Variants in EYS observed in about 807,000 individuals in gnomAD.
EYS encodes protein eyes shut homolog.
Under a neutral mutation model 282.1 loss-of-function variants are expected in EYS, and 250 were observed. The ratio of observed to expected loss-of-function variants is 0.89; its 90% CI spans 0.80 to 0.98. The LOEUF (loss-of-function observed/expected upper bound fraction) is 0.98. Among genes scored for constraint, EYS ranks in the 50% least tolerant of loss-of-function variants. EYS has a pLI of 0.00. For missense variants in EYS, 4,016 were observed against 3,709.0 expected, an observed-to-expected ratio of 1.08 and a Z score of -2.15; for synonymous variants, 1,355 against 1,282.9, an observed-to-expected ratio of 1.06 and a Z score of -1.20.
At chr6:64,051,857 C>T (rs1273409507) in intron 33 of EYS, among the ~76,000 whole-genome samples, 2 of 151,994 alleles carry the variant, frequency 1.3e-5, no homozygotes, top group Admixed American at 6.6e-5. Flanking sequence ...ACACAGGTCA[C>T]AGAGAGGGGA....
intron 36 of EYS, among the ~76,000 whole-genome samples, chr6:63,849,243 G>A (rs1031651810): frequency 2.0e-5 from 3 of 152,168 alleles, no homozygotes; most frequent in African/African-American, 7.2e-5. Context: ...TGGGGAGAGG[G>A]GTGGCTGTGG....
intron 2 of EYS, among the ~76,000 whole-genome samples, chr6:65,590,328 A>G (rs1002255196): frequency 1.9e-4 from 29 of 152,072 alleles, no homozygotes; most frequent in Non-Finnish European, 4.1e-4. Flanking sequence ...ATATCAACAC[A>G]AAACTTTTTC....
intron 5 of EYS, among the ~76,000 whole-genome samples, chr6:65,484,980 GTC>G (rs1765736824): frequency 6.6e-6 from 1 of 152,164 alleles, no homozygotes; most frequent in Non-Finnish European, 1.5e-5. Flanking sequence ...GGATCAAGAA[GTC>G]TAAAATATTT....
chr6:64,387,108 G>A (rs1772937999), intron 29 of EYS, among the ~76,000 whole-genome samples: 1 of 152,022 alleles, frequency 6.6e-6, no homozygotes, highest in Non-Finnish European at 1.5e-5. Flanking sequence ...CAAACCCCAT[G>A]TCTCCATAAT....
At position 65,494,958 on chromosome 6, in the gene EYS, A is replaced by G; in HGVS notation, c.453T>C (p.Val151=). 6.2e-7 allele frequency: 1 copy of G among 1,614,168 alleles called. No individual in the cohort carries two copies. The highest frequency in any genetic ancestry group is 8.5e-7 in the Non-Finnish European group (1 of 1,180,018). The change falls in exon 4 of 43, where the codon GTT becomes GTC. Residue 151 remains valine, a synonymous_variant. Coordinates refer to ENST00000503581, the MANE Select transcript of EYS (RefSeq NM_001142800.2). Reference sequence around the variant, plus strand: ...GACAAGGTGATGGACCACTTGCCATAACTGTGATAAAATAATGTGTCCCAA... The same window carrying G: ...GACAAGGTGATGGACCACTTGCCATGACTGTGATAAAATAATGTGTCCCAA... The part of the protein sequence containing the change: ...LSVGTHYFIT[V]MASGPSPCPL...
intron 26 of EYS, among the ~76,000 whole-genome samples, chr6:64,440,953 C>T (rs1774923389): frequency 1.3e-5 from 2 of 152,140 alleles, no homozygotes; most frequent in South Asian, 4.1e-4. Context: ...GATAAGACAT[C>T]TGTTTGAAAA....
intron 12 of EYS, among the ~76,000 whole-genome samples, chr6:65,262,347 G>C (rs1295564863): frequency 6.6e-6 from 1 of 152,016 alleles, no homozygotes; most frequent in South Asian, 2.1e-4. Context: ...GAAGACAAAA[G>C]ACTTAATGTA....
chr6:64,840,748 T>C (rs919549931), intron 19 of EYS, among the ~76,000 whole-genome samples: 1 of 152,130 alleles, frequency 6.6e-6, no homozygotes, highest in African/African-American at 2.4e-5. Flanking sequence ...AATGATTTCT[T>C]TTTTATAATT....
chr6:64,696,795 A>G (rs187066257), intron 22 of EYS, among the ~76,000 whole-genome samples: 107 of 152,332 alleles, frequency 7.0e-4, no homozygotes, highest in African/African-American at 2.5e-3. Context: ...AGCAAATGCT[A>G]AGGAAATTTG....
At chr6:65,302,421 A>T (rs1349905167) in intron 11 of EYS, 8 of 637,578 alleles carry the variant, frequency 1.3e-5, no homozygotes, top group Non-Finnish European at 2.0e-5. Flanking sequence ...TGTCATTTGG[A>T]AGATTAAACC....
chr6:64,559,598 T>C (rs1474800307), intron 26 of EYS, among the ~76,000 whole-genome samples: 2 of 152,134 alleles, frequency 1.3e-5, no homozygotes, highest in East Asian at 1.9e-4. Flanking sequence ...ATATGATGTA[T>C]GTTTGAACAG....
At chr6:65,397,591 TGTGTG>T (rs1562150714) in intron 7 of EYS, among the ~76,000 whole-genome samples, 10 of 32,732 alleles carry the variant, frequency 3.1e-4, no homozygotes, top group African/African-American at 6.4e-4. Flanking sequence ...ATGGTGTGTG[TGTGTG>T]TGTGTGTGTG....
At chr6:65,312,050 T>A (rs1769175123) in intron 11 of EYS, among the ~76,000 whole-genome samples, 1 of 151,702 alleles carries the variant, frequency 6.6e-6, no homozygotes, top group Non-Finnish European at 1.5e-5. Flanking sequence ...CCTGATGCCA[T>A]CACTGGTCCT....
At chr6:64,116,237 A>G (rs1773379960) in intron 31 of EYS, among the ~76,000 whole-genome samples, 1 of 152,142 alleles carries the variant, frequency 6.6e-6, no homozygotes, top group African/African-American at 2.4e-5. Context: ...TCAAAAACAA[A>G]AAGAATTTTG....
intron 9 of EYS, 139 bp from the exon 10 acceptor site, chr6:65,344,316 T>C: frequency 1.4e-6 from 1 of 702,208 alleles, no homozygotes; most frequent in Non-Finnish European, 2.5e-6. Context: ...TGTATGCATA[T>C]GATATTGAAT....
chr6:65,353,397 C>A, intron 9 of EYS, 61 bp downstream of exon 9: 1 of 1,438,918 alleles, frequency 6.9e-7, no homozygotes, highest in African/African-American at 1.4e-5. Context: ...AAAATGAATA[C>A]GTGACTAGCA....
intron 32 of EYS, among the ~76,000 whole-genome samples, chr6:64,081,336 T>C (rs1249686956): frequency 1.3e-5 from 2 of 152,162 alleles, no homozygotes; most frequent in East Asian, 3.9e-4. Flanking sequence ...ATGAGCAAAT[T>C]GCATAATAAT....
intron 12 of EYS, among the ~76,000 whole-genome samples, chr6:65,199,523 G>A (rs957263718): frequency 1.3e-5 from 2 of 152,068 alleles, no homozygotes; most frequent in Admixed American, 1.3e-4. Context: ...CTTTAAAGCA[G>A]CGTATAATTT....
chr6:64,485,420 T>C (rs1383622378), intron 26 of EYS, among the ~76,000 whole-genome samples: 2 of 151,648 alleles, frequency 1.3e-5, no homozygotes, highest in Non-Finnish European at 3.0e-5. Flanking sequence ...GAAGTTTCCA[T>C]AGGCAGTATG....
Sources: allele counts gnomAD v4.1 joint callset (sites outside exome capture counted in the v4.1 genomes callset), GRCh38; gene constraint gnomAD v4.1.1; transcripts MANE v1.5; gene names NCBI Gene and HGNC (gene_info 2026-07-23, HGNC 2026-07-21).